The following SPAG16 variants were observed in gnomAD, a reference collection of about 807,000 sequenced individuals.
SPAG16 encodes sperm-associated antigen 16 protein.
In SPAG16, 86 loss-of-function variants were observed where a neutral mutation model predicts 80.4. The ratio of observed to expected loss-of-function variants is 1.07; its 90% CI spans 0.90 to 1.28. SPAG16 has a LOEUF of 1.28. Ranked by LOEUF, SPAG16 falls within the 50% of genes most tolerant of loss-of-function variation. The pLI is 0.00. For missense variants in SPAG16, 870 were observed against 765.3 expected (o/e 1.14, Z -1.61); for synonymous variants, 294 against 265.9 (o/e 1.11, Z -1.03).
At chr2:213,434,651 A>G (rs1044691212) in intron 9 of SPAG16, among the ~76,000 whole-genome samples, 1 of 152,214 alleles carries the variant, frequency 6.6e-6, no homozygotes, top group Non-Finnish European at 1.5e-5. Context: ...AGGCAAATAA[A>G]TAGATATTTT....
At chr2:213,461,852 G>A (rs977495028) in intron 9 of SPAG16, among the ~76,000 whole-genome samples, 9 of 152,056 alleles carry the variant, frequency 5.9e-5, no homozygotes, top group Non-Finnish European at 1.2e-4. Flanking sequence ...GATGGTTATG[G>A]ACTCAGGAGA....
rs1469351640 is a variant in SPAG16, at chr2:213,980,712, G to GTGTATATATATATATATATA, written c.1401-33238_1401-33237insGTATATATATATATATATAT. Among the ~76,000 whole-genome samples, 16 of 113,966 alleles carry GTGTATATATATATATATATA rather than the reference G, an allele frequency of 1.4e-4. 1 individual carries two copies. Among genetic ancestry groups the GTGTATATATATATATATATA allele is most frequent in the Admixed American group, 3.9e-4 (4 of 10,162 alleles). The allele number at this position is 113,966 out of a possible 152,430, so 74.8% of individuals were successfully genotyped here. The stretch of plus-strand genomic sequence containing the variant: ...ATAGAATATATGTGTGTGTGTGTGT[G>GTGTATATATATATATATATA]TATATATATATATAGAGAGAGAGAG... On this transcript the variant is annotated intron_variant, in intron 12 of 15. Coordinates refer to ENST00000331683, the MANE Select transcript of SPAG16 (RefSeq NM_024532.5).
chr2:213,681,330 C>T (rs924715989), intron 10 of SPAG16, among the ~76,000 whole-genome samples: 2 of 152,016 alleles, frequency 1.3e-5, no homozygotes, highest in African/African-American at 2.4e-5. Flanking sequence ...CCATCTAATG[C>T]GAATTTATGG....
At chr2:214,076,822 A>C (rs2051104088) in intron 13 of SPAG16, among the ~76,000 whole-genome samples, 1 of 152,160 alleles carries the variant, frequency 6.6e-6, no homozygotes, top group African/African-American at 2.4e-5. Flanking sequence ...AGAGAGATCT[A>C]GGCTGAAAGA....
intron 8 of SPAG16, among the ~76,000 whole-genome samples, chr2:213,372,658 A>G (rs758474923): frequency 2.0e-5 from 3 of 152,012 alleles, no homozygotes; most frequent in Non-Finnish European, 2.9e-5. Flanking sequence ...GATCTAACCA[A>G]TCTCCTCATT....
chr2:214,374,804 C>G (rs2126095135), intron 15 of SPAG16, among the ~76,000 whole-genome samples: 1 of 152,240 alleles, frequency 6.6e-6, no homozygotes, highest in Non-Finnish European at 1.5e-5. Context: ...TAAAACATCA[C>G]AAAATCATTT....
chr2:213,676,624 G>A (rs971539729), intron 10 of SPAG16, among the ~76,000 whole-genome samples: 9 of 152,188 alleles, frequency 5.9e-5, no homozygotes, highest in Non-Finnish European at 1.0e-4. Flanking sequence ...GGCCTTTTCT[G>A]CATCTATTGA....
chr2:214,281,037 G>A (rs572043284), intron 15 of SPAG16: 40 of 404,964 alleles, frequency 9.9e-5, no homozygotes, highest in Admixed American at 2.1e-4. Flanking sequence ...CCCTCAGGGC[G>A]CCAGAAACTT....
intron 5 of SPAG16, among the ~76,000 whole-genome samples, chr2:213,319,806 G>A (rs534618753): frequency 9.9e-5 from 15 of 152,022 alleles, no homozygotes; most frequent in Middle Eastern, 3.4e-3. Context: ...GCAATAATAC[G>A]AAATAACATA....
chr2:213,913,992 A>G (rs2077827907), intron 11 of SPAG16, among the ~76,000 whole-genome samples: 1 of 152,160 alleles, frequency 6.6e-6, no homozygotes, highest in African/African-American at 2.4e-5. Context: ...CTACTGATTT[A>G]TGTGTTTATT....
chr2:214,301,651 AT>A (rs1370488829), intron 15 of SPAG16, among the ~76,000 whole-genome samples: 1 of 152,010 alleles, frequency 6.6e-6, no homozygotes, highest in African/African-American at 2.4e-5. Flanking sequence ...TTCTGATTAT[AT>A]TTATTAGAAT....
chr2:214,036,957 T>G (rs978660735), intron 13 of SPAG16, among the ~76,000 whole-genome samples: 4 of 152,116 alleles, frequency 2.6e-5, no homozygotes, highest in African/African-American at 9.6e-5. Flanking sequence ...TTTATTATTT[T>G]CTTTTTTGTG....
At chr2:213,469,454 T>C (rs1009658316) in intron 9 of SPAG16, among the ~76,000 whole-genome samples, 2 of 152,112 alleles carry the variant, frequency 1.3e-5, no homozygotes, top group African/African-American at 2.4e-5. Context: ...GAAATACTTA[T>C]GACAATTACA....
chr2:213,832,848 C>T (rs1449697447), intron 10 of SPAG16, among the ~76,000 whole-genome samples: 5 of 152,088 alleles, frequency 3.3e-5, no homozygotes, highest in Non-Finnish European at 7.4e-5. Flanking sequence ...ATTTGCCATG[C>T]TTTTCTCTTG....
At chr2:213,333,095 T>C (rs2064180418) in intron 5 of SPAG16, among the ~76,000 whole-genome samples, 1 of 152,116 alleles carries the variant, frequency 6.6e-6, no homozygotes, top group Admixed American at 6.5e-5. Flanking sequence ...GATGATATGA[T>C]CTTATATTTG....
At chr2:213,327,240 A>G (rs2063883162) in intron 5 of SPAG16, among the ~76,000 whole-genome samples, 1 of 151,914 alleles carries the variant, frequency 6.6e-6, no homozygotes, top group African/African-American at 2.4e-5. Flanking sequence ...TTAGCTGCTT[A>G]TATGAATATT....
chr2:213,424,045 CTT>C (rs906289152), intron 9 of SPAG16, among the ~76,000 whole-genome samples: 55 of 152,228 alleles, frequency 3.6e-4, no homozygotes, highest in African/African-American at 1.2e-3. Flanking sequence ...CCATGACAAA[CTT>C]AATTTCCTCA....
At chr2:213,374,879 G>A in intron 8 of SPAG16, 131 bp from the exon 9 acceptor site, 1 of 638,276 alleles carries the variant, frequency 1.6e-6, no homozygotes, top group South Asian at 2.1e-5. Context: ...GTATGGTTTG[G>A]GTATCAATAA....
intron 13 of SPAG16, among the ~76,000 whole-genome samples, chr2:214,071,030 T>A (rs1460643575): frequency 6.6e-6 from 1 of 152,016 alleles, no homozygotes; most frequent in African/African-American, 2.4e-5. Flanking sequence ...ATTATAAAAA[T>A]CGAGAAAATC....
Sources: gnomAD v4.1 joint callset for allele counts (sites outside exome capture counted in the v4.1 genomes callset) on GRCh38, gnomAD v4.1.1 for gene constraint, MANE v1.5 for transcripts, NCBI Gene and HGNC (gene_info 2026-07-23, HGNC 2026-07-21) for gene names.